CNTLN: variants seen among roughly 807,000 people sequenced by gnomAD.
CNTLN encodes centlein.
In CNTLN, 212 loss-of-function variants were observed where a neutral mutation model predicts 180.0. That is an observed-to-expected ratio of 1.18 (90% CI 1.05 to 1.32). The LOEUF (loss-of-function observed/expected upper bound fraction) is 1.32, where lower values mean the gene tolerates loss of function less well. CNTLN is among the 40% of genes most tolerant of loss of function. CNTLN has a pLI of 0.00. For missense variants in CNTLN, 2,095 were observed against 1,610.9 expected (o/e 1.30, Z -5.14); for synonymous variants, 722 against 563.1 (o/e 1.28, Z -3.99).
intron 6 of CNTLN, among the ~76,000 whole-genome samples, chr9:17,294,423 C>A (rs112992026): frequency 7.4e-6 from 1 of 134,258 alleles, no homozygotes; most frequent in South Asian, 2.5e-4. Context: ...AAAAGTTCTC[C>A]AAGTCCCACT....
chr9:17,439,800 A>G (rs2780198), intron 18 of CNTLN, among the ~76,000 whole-genome samples: 72,037 of 152,068 alleles, frequency 0.47, 18,791 homozygotes, highest in Non-Finnish European at 0.57. Context: ...TAATGCCCTT[A>G]TAAAAAGAGG....
At chr9:17,471,326 A>G (rs1832034190) in intron 23 of CNTLN, among the ~76,000 whole-genome samples, 1 of 152,078 alleles carries the variant, frequency 6.6e-6, no homozygotes, top group Non-Finnish European at 1.5e-5. Flanking sequence ...CAAAGACTCA[A>G]AGAGTGGAAA....
intron 13 of CNTLN, among the ~76,000 whole-genome samples, chr9:17,381,764 G>C (rs1431359643): frequency 6.6e-6 from 1 of 152,172 alleles, no homozygotes; most frequent in Non-Finnish European, 1.5e-5. Flanking sequence ...CTGCAGGTCT[G>C]TTGGTTGGCT....
chr9:17,285,018 T>G (rs558758654), intron 6 of CNTLN, among the ~76,000 whole-genome samples: 1 of 151,284 alleles, frequency 6.6e-6, no homozygotes, highest in Non-Finnish European at 1.5e-5. Context: ...TTTTTTTTAA[T>G]TATACTTTAA....
At position 17,226,204 on chromosome 9, in the gene CNTLN, G is replaced by T; in HGVS notation, c.451G>T (p.Glu151Ter). 1 of 1,543,188 alleles carries T rather than the reference G, an allele frequency of 6.5e-7. No individual in the cohort carries two copies. Among genetic ancestry groups the T allele is most frequent in the South Asian group, 1.2e-5 (1 of 80,992 alleles). ...TQVVSLVVER[E>*]KQKSEAKDRK... ...AAACTCTCTATATTTTATATCTAGA[G>T]AAAAACAGAAATCTGAAGCTAAAGA... The change falls in exon 3 of 26, where the codon GAA (glutamate) becomes TAA (stop). Residue 151 changes from glutamate to a stop codon, truncating the protein, a stop_gained and splice_region_variant. Coordinates refer to ENST00000380647, the MANE Select transcript of CNTLN (RefSeq NM_017738.4). LOFTEE classifies it high-confidence loss of function.
At chr9:17,135,711 T>C (rs1563808175) in intron 1 of CNTLN, among the ~76,000 whole-genome samples, 1 of 149,804 alleles carries the variant, frequency 6.7e-6, no homozygotes, top group African/African-American at 2.5e-5. Context: ...CCTCTCCGCT[T>C]CCCCCCCAAG....
the CNTLN span, among the ~76,000 whole-genome samples, chr9:17,520,843 C>T: frequency 1.3e-5 from 2 of 152,152 alleles, no homozygotes; most frequent in Non-Finnish European, 2.9e-5. Flanking sequence ...GCAGCATCCC[C>T]CACCCTGCCT....
intron 2 of CNTLN, among the ~76,000 whole-genome samples, chr9:17,205,043 G>C (rs1384551371): frequency 6.6e-6 from 1 of 152,122 alleles, no homozygotes; most frequent in Non-Finnish European, 1.5e-5. Context: ...CTATCACCAA[G>C]CTCGATCATC....
chr9:17,262,772 T>C lies in CNTLN; in HGVS notation c.850-10961T>C, dbSNP rs80224966. On this transcript the variant is annotated intron_variant, in intron 5 of 25. Transcript: ENST00000380647. ...AAAGAAAAGAAAGATTAGGTATCTC[T>C]GTATTTTTCCAGTTCTTAAAGGGAA... Among the ~76,000 whole-genome samples, 460 of 151,460 alleles carry C rather than the reference T, an allele frequency of 3.0e-3. 22 individuals are homozygous for C. Among genetic ancestry groups the C allele is most frequent in the African/African-American group, 0.011 (440 of 40,868 alleles).
chr9:17,380,546 T>G (rs527266044), intron 13 of CNTLN, among the ~76,000 whole-genome samples: 1 of 152,246 alleles, frequency 6.6e-6, no homozygotes, highest in East Asian at 1.9e-4. Context: ...ACAACAAGTC[T>G]GGTTGGGGAG....
chr9:17,406,711 C>G (rs1340555244), intron 15 of CNTLN, among the ~76,000 whole-genome samples: 1 of 151,750 alleles, frequency 6.6e-6, no homozygotes, highest in Non-Finnish European at 1.5e-5. Flanking sequence ...CATGGATAGA[C>G]TGTAAAGAAT....
At chr9:17,427,617 T>C (rs1043203803) in intron 18 of CNTLN, among the ~76,000 whole-genome samples, 5 of 152,172 alleles carry the variant, frequency 3.3e-5, no homozygotes, top group Non-Finnish European at 7.3e-5. Context: ...GACAGTTCAA[T>C]ACTATTCCAA....
At chr9:17,345,733 G>T (rs1487759223) in intron 12 of CNTLN, among the ~76,000 whole-genome samples, 1 of 151,956 alleles carries the variant, frequency 6.6e-6, no homozygotes, top group African/African-American at 2.4e-5. Flanking sequence ...CACAAGATGT[G>T]ATAGGTTTTG....
At position 17,309,261 on chromosome 9, in the gene CNTLN, C is replaced by T. The variant is rs759055068; in HGVS notation, c.1341+9C>T. 1.9e-5 allele frequency: 29 copies of T among 1,533,056 alleles called. No individual in the cohort carries two copies. The highest frequency in any genetic ancestry group is 2.5e-5 in the Non-Finnish European group (29 of 1,140,774). 95.0% of individuals were successfully genotyped at this position (1,533,056 alleles called of 1,614,324 possible). On this transcript the variant is annotated intron_variant, in intron 8 of 25. Coordinates refer to ENST00000380647, the MANE Select transcript of CNTLN (RefSeq NM_017738.4). The stretch of plus-strand genomic sequence containing the variant: ...CAGACTACTCAGCACAGGTGAGAGA[C>T]ATTTTCTAAAACTGTTATTCAGTGT...
At chr9:17,379,829 C>T (rs545853559) in intron 13 of CNTLN, among the ~76,000 whole-genome samples, 7 of 152,306 alleles carry the variant, frequency 4.6e-5, no homozygotes, top group South Asian at 2.1e-4. Flanking sequence ...CAAAAAAACT[C>T]ATTGCCTTTT....
chr9:17,266,689 T>A (rs991166067), intron 5 of CNTLN, among the ~76,000 whole-genome samples: 3 of 152,062 alleles, frequency 2.0e-5, no homozygotes, highest in African/African-American at 7.2e-5. Context: ...CTTTGTAGGT[T>A]ACTCAGGACT....
At chr9:17,297,649 G>C (rs2132783078) in intron 6 of CNTLN, among the ~76,000 whole-genome samples, 1 of 152,234 alleles carries the variant, frequency 6.6e-6, no homozygotes, top group African/African-American at 2.4e-5. Flanking sequence ...TACCTCATCA[G>C]TTCCTTCAAG....
chr9:17,353,935 G>A (rs981192067), intron 12 of CNTLN, among the ~76,000 whole-genome samples: 1 of 152,204 alleles, frequency 6.6e-6, no homozygotes, highest in Non-Finnish European at 1.5e-5. Flanking sequence ...GAGGTGTGGA[G>A]GGAGAGGCGT....
At chr9:17,475,631 G>A (rs957574934) in intron 23 of CNTLN, among the ~76,000 whole-genome samples, 5 of 151,900 alleles carry the variant, frequency 3.3e-5, no homozygotes, top group African/African-American at 7.3e-5. Flanking sequence ...CTAGCACTTC[G>A]GGAGGCCGAG....
Sources: gnomAD v4.1 joint callset for allele counts (sites outside exome capture counted in the v4.1 genomes callset) on GRCh38, gnomAD v4.1.1 for gene constraint, MANE v1.5 for transcripts, NCBI Gene and HGNC (gene_info 2026-07-23, HGNC 2026-07-21) for gene names.